Variants in MAN2A2 observed in about 807,000 individuals in gnomAD.
The protein encoded by MAN2A2 is mannosidase alpha class 2A member 2, also known as alpha-mannosidase 2x.
MAN2A2 carries 79 observed loss-of-function variants against 126.8 expected under a neutral mutation model. That is an observed-to-expected ratio of 0.62 (90% confidence interval 0.52 to 0.75). The LOEUF (loss-of-function observed/expected upper bound fraction) is 0.75. Ranked by LOEUF, MAN2A2 falls within the 30% of genes least tolerant of loss-of-function variation. The probability of loss-of-function intolerance (pLI) is 0.00; values close to 1 mark genes in which losing one functional copy is unlikely to be tolerated. For synonymous variants in MAN2A2, 671 were observed against 618.7 expected (o/e 1.08, Z -1.25); for missense variants, 1,392 against 1,522.4 (o/e 0.91, Z 1.43).
intron 1 of MAN2A2, 189 bp from the exon 2 acceptor site, chr15:90,904,001 T>A: frequency 1.5e-6 from 1 of 659,820 alleles, no homozygotes; most frequent in South Asian, 1.6e-5. Flanking sequence ...GAGCGTCCTC[T>A]CCACCCTAGC....
chr15:90,915,294 G>A (rs902712651), intron 19 of MAN2A2: 1 of 152,272 alleles, frequency 6.6e-6, no homozygotes, highest in Non-Finnish European at 1.5e-5. Flanking sequence ...ACACAAGTCA[G>A]TAAGGACTGG....
At position 90,905,864 on chromosome 15, in the gene MAN2A2, C is replaced by G. The variant is rs1463604006; in HGVS notation, c.555C>G (p.Asp185Glu). The G allele has an allele frequency of 1.8e-5, 29 of 1,579,208 alleles. No homozygotes were observed. The highest frequency in any genetic ancestry group is 2.4e-5 in the Non-Finnish European group (28 of 1,162,340). Residue 185 changes from aspartate (D) to glutamate (E), a missense_variant, in exon 5 of 23, where the codon GAC becomes GAG. Asp to Glu is a conservative substitution (Grantham distance 45). Coordinates refer to ENST00000559717, the MANE Select transcript of MAN2A2 (RefSeq NM_006122.4). ...CCCTAGGCTGGATCAAGACCTTTGA[C>G]AAGTACTACACAGAGCAGACCCAAC... is the stretch of plus-strand genomic sequence containing the variant. The part of the protein sequence containing the change: ...HNDPGWIKTF[D>E]KYYTEQTQHI...
intron 19 of MAN2A2, chr15:90,915,882 C>T (rs1019764901): frequency 6.2e-6 from 3 of 481,960 alleles, no homozygotes; most frequent in African/African-American, 5.9e-5. Context: ...GGTAAACTGC[C>T]AGGGCCAGCC....
At chr15:90,911,668 A>T in intron 14 of MAN2A2, 118 bp downstream of exon 14, 1 of 1,188,296 alleles carries the variant, frequency 8.4e-7, no homozygotes, top group Non-Finnish European at 1.2e-6. Flanking sequence ...CAGGCTGAGG[A>T]CAAGTGTCCT....
At chr15:90,903,169 G>C (rs953836430), upstream of MAN2A2, 6 of 152,432 alleles carry the variant, frequency 3.9e-5, no homozygotes, top group Non-Finnish European at 7.3e-5. Flanking sequence ...GGAGGGAGCC[G>C]GGCGGGCGGC....
chr15:90,919,430 G>C (rs2035431835), intron 22 of MAN2A2, among the ~76,000 whole-genome samples: 1 of 152,204 alleles, frequency 6.6e-6, no homozygotes, highest in Non-Finnish European at 1.5e-5. Context: ...GTAGAGACGG[G>C]GTTTCGCCAT....
In MAN2A2 at chr15:90,911,524, A is replaced by C. The variant is rs777498221; in HGVS notation, c.2083A>C (p.Thr695Pro). 5 of 1,613,412 alleles carry C rather than the reference A, an allele frequency of 3.1e-6. No homozygotes were observed. The highest frequency in any genetic ancestry group is 4.2e-6 in the Non-Finnish European group (5 of 1,179,802). ...GATCAGCGCACACTGGAGCTCTGCC[A>C]CCGAGGCGGTCCCTGACGTCTACCA... ...VQISAHWSSA[T>P]EAVPDVYQVS... Residue 695 changes from threonine (T) to proline (P), a missense_variant, in exon 14 of 23, where the codon ACC becomes CCC. Coordinates refer to ENST00000559717, the MANE Select transcript of MAN2A2 (RefSeq NM_006122.4).
Position 90,905,609 on chromosome 15 carries a change from G to C in MAN2A2, c.421G>C (p.Asp141His), listed in dbSNP as rs1483388531. 1 of 1,614,224 alleles carries C rather than the reference G, an allele frequency of 6.2e-7. No homozygotes were observed. The highest frequency in any genetic ancestry group is 8.5e-7 in the Non-Finnish European group (1 of 1,180,042). ...MLTVSEELPF[D>H]NVDGGVWRQG... ...CACTGTGTCGGAGGAGCTGCCGTTT[G>C]ACAACGTGGATGGTGGTGTGTGGAG... The change falls in exon 4 of 23, where the codon GAC (aspartate) becomes CAC (histidine). Residue 141 changes from aspartate (D) to histidine (H), a missense_variant. Coordinates refer to ENST00000559717, the MANE Select transcript of MAN2A2 (RefSeq NM_006122.4).
At chr15:90,919,175 C>T (rs528391878) in intron 22 of MAN2A2, among the ~76,000 whole-genome samples, 2 of 152,342 alleles carry the variant, frequency 1.3e-5, no homozygotes, top group African/African-American at 2.4e-5. Flanking sequence ...GGTTCTTACC[C>T]AGAGATCTGT....
In MAN2A2 at chr15:90,906,467, G is replaced by C; in HGVS notation, c.805G>C (p.Glu269Gln). 1 of 1,614,170 alleles carries C rather than the reference G, an allele frequency of 6.2e-7. No individual in the cohort carries two copies. Among genetic ancestry groups the C allele is most frequent in the Non-Finnish European group, 8.5e-7 (1 of 1,180,004 alleles). The change falls in exon 6 of 23, where the codon GAA becomes CAA. Residue 269 changes from glutamate (E) to glutamine (Q), a missense_variant. Coordinates refer to ENST00000559717, the MANE Select transcript of MAN2A2 (RefSeq NM_006122.4). ...CTTTGCATTGATTGACCAGCTCATCGAAGGACACCAGTGGCTGGAGAGAAA... is the reference window on the plus strand; with the variant it reads ...CTTTGCATTGATTGACCAGCTCATCCAAGGACACCAGTGGCTGGAGAGAAA... Reference protein sequence around the residue: ...HYFALIDQLIEGHQWLERNLG... With the variant: ...HYFALIDQLIQGHQWLERNLG...
At chr15:90,914,769 C>T (rs1463704460) in intron 19 of MAN2A2, among the ~76,000 whole-genome samples, 8 of 152,134 alleles carry the variant, frequency 5.3e-5, no homozygotes, top group African/African-American at 1.9e-4. Flanking sequence ...CTGCCTGCCT[C>T]GGTCTCCCAA....
chr15:90,906,329 G>T (rs377332978), intron 5 of MAN2A2, 41 bp from the exon 6 acceptor site: 1 of 1,612,660 alleles, frequency 6.2e-7, no homozygotes, highest in East Asian at 2.2e-5. Context: ...GGACTGGGCA[G>T]AGTGTCCTGC....
At chr15:90,906,235 A>T (rs1410199063) in intron 5 of MAN2A2, 135 bp from the exon 6 acceptor site, 2 of 1,320,270 alleles carry the variant, frequency 1.5e-6, no homozygotes. Context: ...AAGGAGGGCA[A>T]GTGTGTGTTC....
At position 90,921,773 on chromosome 15, in the gene MAN2A2, G is replaced by A. The variant is rs557551392; in HGVS notation, c.*1986G>A. 6.6e-6 allele frequency: 1 copy of A among 152,276 alleles called. No homozygotes were observed. Among genetic ancestry groups the A allele is most frequent in the South Asian group, 2.1e-4 (1 of 4,824 alleles). The allele number at this position is 152,276 out of a possible 1,614,324, so 9.4% of individuals were successfully genotyped here. ...GTGTCTACTAAAAATACAAAAACTA[G>A]CCAGGAATGGTGGCGCGCGCCTGTA... On this transcript the variant is annotated 3_prime_UTR_variant, in exon 23 of 23. Transcript: ENST00000559717.
chr15:90,906,688 G>A (rs538043614), intron 6 of MAN2A2, 52 bp from the exon 7 acceptor site: 4 of 1,594,958 alleles, frequency 2.5e-6, no homozygotes, highest in East Asian at 4.5e-5. Context: ...AGGCCGGGGG[G>A]CCAGCCCCTG....
chr15:90,916,688 C>G, intron 20 of MAN2A2: 3 of 1,288,970 alleles, frequency 2.3e-6, no homozygotes, highest in Non-Finnish European at 3.0e-6. Flanking sequence ...GAGCGGGGAA[C>G]TAGTACGAGC....
rs1448093062 is a variant in MAN2A2 at position 90,912,566 on chromosome 15, C to A, written c.2371C>A (p.His791Asn). The change falls in exon 16 of 23, where the codon CAC becomes AAC. Residue 791 changes from histidine to asparagine, a missense_variant. Physicochemically the swap from His to Asn is moderately conservative, Grantham distance 68. Transcript: ENST00000559717. ...GAGCATCCGAAGGGTGGATGAGGAGCACGAGCAGCAGGTGGACATGCAGGT... is the reference window on the plus strand; with the variant it reads ...GAGCATCCGAAGGGTGGATGAGGAGAACGAGCAGCAGGTGGACATGCAGGT... The part of the protein sequence containing the change: ...LKSIRRVDEE[H>N]EQQVDMQVLV... 6.2e-7 allele frequency: 1 copy of A among 1,614,054 alleles called. No homozygotes were observed. Among genetic ancestry groups the A allele is most frequent in the Non-Finnish European group, 8.5e-7 (1 of 1,179,956 alleles).
intron 20 of MAN2A2, 52 bp downstream of exon 20, chr15:90,916,308 G>T: frequency 6.3e-7 from 1 of 1,589,374 alleles, no homozygotes; most frequent in East Asian, 2.2e-5. Flanking sequence ...GTCCCTGGGG[G>T]TGGCCGGGGG....
At position 90,909,493 on chromosome 15, in the gene MAN2A2, C is replaced by T. The variant is rs1239647206; in HGVS notation, c.1363C>T (p.Leu455Phe). 2 of 1,613,342 alleles carry T rather than the reference C, an allele frequency of 1.2e-6. No homozygotes were observed. The highest frequency in any genetic ancestry group is 1.7e-5 in the Admixed American group (1 of 59,992). The change falls in exon 9 of 23, where the codon CTC (leucine) becomes TTC (phenylalanine). Residue 455 changes from leucine (L) to phenylalanine (F), a missense_variant. Leu to Phe is a conservative substitution (Grantham distance 22). Transcript: ENST00000559717. ...TGACTTCTTCAACAGCAGGCCTAAC[C>T]TCCATGTGCAGGTGTGAGGGGCACT... ...LFDFFNSRPN[L>F]HVQAQFGTLS...
Sources: allele counts gnomAD v4.1 joint callset (sites outside exome capture counted in the v4.1 genomes callset), GRCh38; gene constraint gnomAD v4.1.1; transcripts MANE v1.5; gene names NCBI Gene and HGNC (gene_info 2026-07-23, HGNC 2026-07-21).